The following DIP2A variants were observed in gnomAD, a reference collection of about 807,000 sequenced individuals.
DIP2A encodes DIP2 acetate--CoA ligase A, also known as disco-interacting protein 2 homolog A.
DIP2A carries 85 observed loss-of-function variants against 177.4 expected under a neutral mutation model. That is an observed-to-expected ratio of 0.48 (90% CI 0.40 to 0.57). The LOEUF (loss-of-function observed/expected upper bound fraction) is 0.57. Among genes scored for constraint, DIP2A ranks in the 20% least tolerant of loss-of-function variants. DIP2A has a pLI of 0.00. For synonymous variants in DIP2A, 886 were observed against 881.8 expected (o/e 1.00, Z -0.08); for missense variants, 1,791 against 2,100.2 (o/e 0.85, Z 2.88).
intron 10 of DIP2A, among the ~76,000 whole-genome samples, chr21:46,532,638 T>A (rs2059401724): frequency 6.6e-6 from 1 of 152,222 alleles, no homozygotes; most frequent in African/African-American, 2.4e-5. Flanking sequence ...TTCTTAGGGA[T>A]AAATATATCA....
rs183859185 is a variant in DIP2A at position 46,537,323 on chromosome 21, C to T, written c.1707+35C>T. ...GTTTGCTGATGACTAACTGTTGGAA[C>T]AAGGGATTGAGATGAACCCAAGCCT... On this transcript the variant is annotated intron_variant, in intron 14 of 37. Coordinates refer to ENST00000417564, the MANE Select transcript of DIP2A (RefSeq NM_015151.4). This position sits in a 1 kb window ranked among gnomAD's most constrained non-coding sequence, Gnocchi z 4.1. 1,347 of 1,613,000 alleles carry T rather than the reference C, an allele frequency of 8.4e-4. 13 individuals carry two copies. The highest frequency in any genetic ancestry group is 2.7e-4 in the Non-Finnish European group (314 of 1,178,990).
At chr21:46,496,867 A>T (rs1318253279) in intron 3 of DIP2A, 121 bp from the exon 4 acceptor site, 4 of 938,554 alleles carry the variant, frequency 4.3e-6, no homozygotes, top group South Asian at 2.4e-5. Context: ...ATGTGAGGAT[A>T]GACAGAGAGA....
At chr21:46,550,075 A>G in intron 22 of DIP2A, 190 bp downstream of exon 22, 1 of 1,362,604 alleles carries the variant, frequency 7.3e-7, no homozygotes, top group Non-Finnish European at 9.6e-7. Flanking sequence ...TGATGTTATA[A>G]TTTATGAATA....
rs760472191 is a variant in DIP2A at position 46,533,574 on chromosome 21, C to G, written c.1356C>G (p.Phe452Leu). 5 of 1,614,010 alleles carry G rather than the reference C, an allele frequency of 3.1e-6. No individual in the cohort carries two copies. Among genetic ancestry groups the G allele is most frequent in the Non-Finnish European group, 3.4e-6 (4 of 1,179,900 alleles). Residue 452 changes from phenylalanine (F) to leucine (L), a missense_variant, in exon 11 of 38, where the codon TTC becomes TTG. Physicochemically the swap from Phe to Leu is conservative, Grantham distance 22 (BLOSUM62 0). Coordinates refer to ENST00000417564, the MANE Select transcript of DIP2A (RefSeq NM_015151.4). Reference sequence around the variant, plus strand: ...TTCTGCTGGGCAGCTGTGGAGTCTTCTTGGCCCTGACCACAGACGCTTGTC... The same window carrying G: ...TTCTGCTGGGCAGCTGTGGAGTCTTGTTGGCCCTGACCACAGACGCTTGTC... ...VGFLLGSCGV[F>L]LALTTDACQK...
intron 5 of DIP2A, 52 bp from the exon 6 acceptor site, chr21:46,504,309 A>T (rs1048499870): frequency 6.2e-7 from 1 of 1,605,654 alleles, no homozygotes; most frequent in South Asian, 1.1e-5. Flanking sequence ...GCAGCTTAAT[A>T]CTCATTTGAC....
intron 1 of DIP2A, among the ~76,000 whole-genome samples, chr21:46,478,623 A>G (rs1361850969): frequency 6.6e-6 from 1 of 152,104 alleles, no homozygotes; most frequent in African/African-American, 2.4e-5. Flanking sequence ...TCATTTCTTT[A>G]GGTCTTTAAT....
In DIP2A at chr21:46,563,989, C is replaced by T; in HGVS notation, c.4164+57C>T. 1.3e-6 allele frequency: 2 copies of T among 1,563,174 alleles called. No individual in the cohort carries two copies. The highest frequency in any genetic ancestry group is 1.4e-5 in the African/African-American group (1 of 72,686). Reference sequence around the variant, plus strand: ...TCTCCAGCCTCACCAGCTTCACCTTCCTTCCCTTTTTGCTTCAGATTTTGG... The same window carrying T: ...TCTCCAGCCTCACCAGCTTCACCTTTCTTCCCTTTTTGCTTCAGATTTTGG... On this transcript the variant is annotated intron_variant, in intron 35 of 37. Coordinates refer to ENST00000417564, the MANE Select transcript of DIP2A (RefSeq NM_015151.4). This position sits in a 1 kb window ranked among gnomAD's most constrained non-coding sequence, Gnocchi z 4.3.
At chr21:46,477,639 TCTCGGCTC>T (rs1402938815) in intron 1 of DIP2A, among the ~76,000 whole-genome samples, 9 of 146,218 alleles carry the variant, frequency 6.2e-5, no homozygotes, top group Non-Finnish European at 1.2e-4. Context: ...AGTGCCACTA[TCTCGGCTC>T]ACTGCAACCT....
chr21:46,563,800 T>C lies in DIP2A; in HGVS notation c.4090-58T>C. On this transcript the variant is annotated intron_variant, in intron 34 of 37. Transcript: ENST00000417564. This position sits in a 1 kb window ranked among gnomAD's most constrained non-coding sequence, Gnocchi z 4.3. Reference sequence around the variant, plus strand: ...GGGACGTTATTTTAATGTCACTGAATCAAGAGAGTCTCGTGTCATGTTTTC... The same window carrying C: ...GGGACGTTATTTTAATGTCACTGAACCAAGAGAGTCTCGTGTCATGTTTTC... The C allele has an allele frequency of 1.3e-6, 2 of 1,594,678 alleles. No homozygotes were observed. Among genetic ancestry groups the C allele is most frequent in the Non-Finnish European group, 8.5e-7 (1 of 1,171,122 alleles).
At chr21:46,510,309 T>C (rs1488467501) in intron 7 of DIP2A, among the ~76,000 whole-genome samples, 2 of 152,186 alleles carry the variant, frequency 1.3e-5, no homozygotes, top group Non-Finnish European at 2.9e-5. Context: ...CTGATTAAAC[T>C]GTGCCCACCC....
At chr21:46,565,961 TG>T (rs1170460599) in intron 36 of DIP2A, 74 bp downstream of exon 36, 21 of 1,532,834 alleles carry the variant, frequency 1.4e-5, no homozygotes, top group Non-Finnish European at 1.9e-5. Context: ...CTTAGTCACC[TG>T]CTAGCACACC....
At position 46,551,646 on chromosome 21, in the gene DIP2A, C is replaced by T; in HGVS notation, c.2852C>T (p.Ala951Val). 1 of 1,613,944 alleles carries T rather than the reference C, an allele frequency of 6.2e-7. No individual in the cohort carries two copies. The highest frequency in any genetic ancestry group is 8.5e-7 in the Non-Finnish European group (1 of 1,179,876). ...CCCCCGTTTCTAGAGGTTGGACCAGCCTCAATGATCGTGGGGAACCTGGTT... is the reference window on the plus strand; with the variant it reads ...CCCCCGTTTCTAGAGGTTGGACCAGTCTCAATGATCGTGGGGAACCTGGTT... ...PRQKQPEVGP[A>V]SMIVGNLVAG... The change falls in exon 24 of 38, where the codon GCC becomes GTC. Residue 951 changes from alanine to valine, a missense_variant. Physicochemically the swap from Ala to Val is moderately conservative, Grantham distance 64 (BLOSUM62 0). Transcript: ENST00000417564.
chr21:46,539,746 C>G (rs780259552), intron 16 of DIP2A, 131 bp from the exon 17 acceptor site: 2 of 767,374 alleles, frequency 2.6e-6, no homozygotes, highest in Non-Finnish European at 4.7e-6. Flanking sequence ...GTGAAGGGGC[C>G]CCTTCCTTCT....
intron 13 of DIP2A, among the ~76,000 whole-genome samples, chr21:46,535,791 C>A (rs1427507414): frequency 6.6e-6 from 1 of 152,154 alleles, no homozygotes; most frequent in African/African-American, 2.4e-5. Context: ...AATTTGGGTT[C>A]TTTAGCCAGG....
rs777461452 is a variant in DIP2A at position 46,558,319 on chromosome 21, A to G, written c.3895A>G (p.Lys1299Glu). 1.2e-6 allele frequency: 2 copies of G among 1,602,052 alleles called. No individual in the cohort carries two copies. Among genetic ancestry groups the G allele is most frequent in the African/African-American group, 2.7e-5 (2 of 74,846 alleles). ...ALTQSFSKLF[K>E]DLGLPARAVS... is the part of the protein sequence containing the mutation. ...GACCCAGTCCTTCTCCAAGCTCTTC[A>G]AGGACCTGGGCCTGCCGGCCCGCGC... Residue 1299 changes from lysine to glutamate, a missense_variant, in exon 32 of 38, where the codon AAG (lysine) becomes GAG (glutamate). Coordinates refer to ENST00000417564, the MANE Select transcript of DIP2A (RefSeq NM_015151.4).
At chr21:46,495,498 C>A (rs1298244411) in intron 3 of DIP2A, among the ~76,000 whole-genome samples, 1 of 151,948 alleles carries the variant, frequency 6.6e-6, no homozygotes, top group Admixed American at 6.6e-5. Context: ...GAACTCCCGA[C>A]CTCAGGGGAT....
intron 2 of DIP2A, among the ~76,000 whole-genome samples, chr21:46,489,886 T>C (rs1435729634): frequency 2.0e-5 from 3 of 152,106 alleles, no homozygotes; most frequent in Non-Finnish European, 4.4e-5. Context: ...CCGTAATGTG[T>C]CTTGAGGGCA....
At chr21:46,472,966 G>A (rs1391470942) in intron 1 of DIP2A, among the ~76,000 whole-genome samples, 1 of 152,204 alleles carries the variant, frequency 6.6e-6, no homozygotes, top group Non-Finnish European at 1.5e-5. Context: ...CACTTGAAAT[G>A]TGGGTAGTGG....
intron 6 of DIP2A, among the ~76,000 whole-genome samples, chr21:46,505,020 A>G (rs1013946081): frequency 7.9e-5 from 12 of 152,210 alleles, no homozygotes; most frequent in African/African-American, 2.9e-4. Context: ...ACAGTCTTCA[A>G]TGTCTTTTAT....
Sources: gnomAD v4.1 joint callset for allele counts (sites outside exome capture counted in the v4.1 genomes callset) on GRCh38, gnomAD v4.1.1 for gene constraint, Gnocchi (gnomAD v3.1) non-coding constraint, MANE v1.5 for transcripts, NCBI Gene and HGNC (gene_info 2026-07-23, HGNC 2026-07-21) for gene names.